Variants in FAM171A1 observed in about 807,000 individuals in gnomAD.
FAM171A1 encodes protein FAM171A1.
A neutral mutation model predicts 74.9 loss-of-function variants in FAM171A1; 23 were observed. The ratio of observed to expected loss-of-function variants is 0.31; its 90% CI spans 0.22 to 0.44. The LOEUF is 0.44. Ranked by LOEUF, FAM171A1 falls within the 20% of genes least tolerant of loss-of-function variation. The pLI is 1.00. For synonymous variants in FAM171A1, 527 were observed against 505.7 expected, an observed-to-expected ratio of 1.04 and a Z score of -0.57; for missense variants, 1,162 against 1,159.2, an observed-to-expected ratio of 1.00 and a Z score of -0.03.
intron 1 of FAM171A1, among the ~76,000 whole-genome samples, chr10:15,285,922 A>G (rs1207379897): frequency 1.3e-5 from 2 of 152,230 alleles, no homozygotes; most frequent in Admixed American, 1.3e-4. Context: ...CCAGTGGCAC[A>G]CACCCTGGGG....
At chr10:15,272,749 T>C (rs963637817) in intron 3 of FAM171A1, among the ~76,000 whole-genome samples, 4 of 152,134 alleles carry the variant, frequency 2.6e-5, no homozygotes, top group Admixed American at 6.6e-5. Context: ...CACTCAAAAC[T>C]GCTCAACTAC....
intron 5 of FAM171A1, among the ~76,000 whole-genome samples, chr10:15,247,849 G>T (rs966337842): frequency 1.3e-5 from 2 of 152,190 alleles, no homozygotes; most frequent in African/African-American, 2.4e-5. Flanking sequence ...CAGCTCTATG[G>T]AGGGTCCCAC....
chr10:15,276,256 C>CT (rs1834893287), intron 2 of FAM171A1, among the ~76,000 whole-genome samples: 1 of 152,096 alleles, frequency 6.6e-6, no homozygotes, highest in Non-Finnish European at 1.5e-5. Flanking sequence ...TCTCAGCTCA[C>CT]TCTAACCTCC....
rs1218512886 is a variant in FAM171A1 at position 15,370,937 on chromosome 10, CCCG to C, written c.97+16_97+18del. The stretch of plus-strand genomic sequence containing the variant: ...CCCGGCGCGACACAAAGCCCCCGGC[CCCG>C]CCGCCGCCCACTGACCTTGGGCTCC... On this transcript the variant is annotated intron_variant, in intron 1 of 7. Coordinates refer to ENST00000378116, the MANE Select transcript of FAM171A1 (RefSeq NM_001010924.2). 6 of 1,129,454 alleles carry C rather than the reference CCCG, an allele frequency of 5.3e-6. No homozygotes were observed. Among genetic ancestry groups the C allele is most frequent in the East Asian group, 9.7e-5 (1 of 10,282 alleles). The allele number at this position is 1,129,454 out of a possible 1,614,324, so 70.0% of individuals were successfully genotyped here.
intron 1 of FAM171A1, among the ~76,000 whole-genome samples, chr10:15,367,557 C>T (rs911154098): frequency 5.9e-5 from 9 of 152,270 alleles, no homozygotes; most frequent in African/African-American, 9.6e-5. Flanking sequence ...ACAATGTCAC[C>T]GTAAGTTAGG....
At chr10:15,356,660 G>C (rs1588569793) in intron 1 of FAM171A1, among the ~76,000 whole-genome samples, 1 of 152,254 alleles carries the variant, frequency 6.6e-6, no homozygotes, top group African/African-American at 2.4e-5. Context: ...TATCAGTACT[G>C]AATGATATGG....
intron 3 of FAM171A1, among the ~76,000 whole-genome samples, chr10:15,260,046 C>T (rs1834635765): frequency 6.6e-6 from 1 of 151,908 alleles, no homozygotes; most frequent in South Asian, 2.1e-4. Context: ...AGTCTGGTCT[C>T]AAACTCCTGG....
At chr10:15,297,085 T>C (rs1042529216) in intron 1 of FAM171A1, among the ~76,000 whole-genome samples, 1 of 147,416 alleles carries the variant, frequency 6.8e-6, no homozygotes, top group Admixed American at 6.8e-5. Flanking sequence ...TGAGATGGAG[T>C]CTTGTTGTGT....
chr10:15,319,099 C>G (rs909894976), intron 1 of FAM171A1, among the ~76,000 whole-genome samples: 2 of 152,202 alleles, frequency 1.3e-5, no homozygotes, highest in Non-Finnish European at 2.9e-5. Flanking sequence ...GGTGACACGT[C>G]TGGAGGGATA....
intron 3 of FAM171A1, among the ~76,000 whole-genome samples, chr10:15,255,152 A>G (rs1477463135): frequency 6.6e-6 from 1 of 152,236 alleles, no homozygotes; most frequent in East Asian, 1.9e-4. Flanking sequence ...ATGTGCAAGC[A>G]GTCTTGTCAC....
intron 6 of FAM171A1, among the ~76,000 whole-genome samples, chr10:15,218,650 A>T (rs1011160273): frequency 6.6e-6 from 1 of 152,150 alleles, no homozygotes; most frequent in African/African-American, 2.4e-5. Context: ...GCTGGAGTGC[A>T]GTGACATGAT....
chr10:15,268,944 A>C (rs1834784824), intron 3 of FAM171A1, among the ~76,000 whole-genome samples: 1 of 152,190 alleles, frequency 6.6e-6, no homozygotes, highest in South Asian at 2.1e-4. Flanking sequence ...GGGGAGGCTG[A>C]TGCATGAAAA....
At chr10:15,351,640 CATGG>C (rs201827807) in intron 1 of FAM171A1, among the ~76,000 whole-genome samples, 3 of 150,036 alleles carry the variant, frequency 2.0e-5, no homozygotes, top group Non-Finnish European at 3.0e-5. Context: ...TAGATGGATG[CATGG>C]ATGGATGGAT....
At chr10:15,262,749 A>C (rs139524576) in intron 3 of FAM171A1, among the ~76,000 whole-genome samples, 84 of 152,338 alleles carry the variant, frequency 5.5e-4, no homozygotes, top group Middle Eastern at 3.4e-3. Flanking sequence ...CTGAGAAAGA[A>C]CTAGAAGAGA....
intron 1 of FAM171A1, among the ~76,000 whole-genome samples, chr10:15,307,610 C>T (rs78713188): frequency 0.014 from 2,050 of 141,554 alleles, 63 homozygotes; most frequent in East Asian, 0.087. Flanking sequence ...TGCACCACTG[C>T]ACTCCAGCCT....
chr10:15,233,510 G>A (rs1834235912), intron 5 of FAM171A1, among the ~76,000 whole-genome samples: 1 of 143,414 alleles, frequency 7.0e-6, no homozygotes, highest in African/African-American at 2.6e-5. Flanking sequence ...GCACATGCCG[G>A]GTGTATTCAG....
intron 1 of FAM171A1, among the ~76,000 whole-genome samples, chr10:15,369,459 T>C (rs1165587821): frequency 6.6e-6 from 1 of 152,086 alleles, no homozygotes; most frequent in Non-Finnish European, 1.5e-5. Context: ...AACATTCGTT[T>C]CCTACACGAA....
At chr10:15,269,125 C>CT (rs1467156610) in intron 3 of FAM171A1, among the ~76,000 whole-genome samples, 1 of 151,930 alleles carries the variant, frequency 6.6e-6, no homozygotes. Flanking sequence ...TATTTATTCA[C>CT]TTTTTTGAGA....
chr10:15,337,876 G>A (rs1382090313), intron 1 of FAM171A1, among the ~76,000 whole-genome samples: 1 of 152,080 alleles, frequency 6.6e-6, no homozygotes, highest in Non-Finnish European at 1.5e-5. Flanking sequence ...ACTTGAACCT[G>A]GGAGGCAGAG....
Sources: allele counts gnomAD v4.1 joint callset (sites outside exome capture counted in the v4.1 genomes callset), GRCh38; gene constraint gnomAD v4.1.1; transcripts MANE v1.5; gene names NCBI Gene and HGNC (gene_info 2026-07-23, HGNC 2026-07-21).